Variants in TMEM53 observed in about 807,000 individuals in gnomAD.
TMEM53 encodes the protein novel DUF829 domain-containing protein.
A neutral mutation model predicts 21.4 loss-of-function variants in TMEM53; 14 were observed. The observed-to-expected ratio is 0.65, with a 90% CI of 0.43 to 1.02. TMEM53 has a LOEUF of 1.02. Among genes scored for constraint, TMEM53 ranks in the 50% least tolerant of loss-of-function variants. TMEM53 has a pLI of 0.00. For synonymous variants in TMEM53, 148 were observed against 157.4 expected (o/e 0.94, Z 0.45); for missense variants, 323 against 383.6 (o/e 0.84, Z 1.32).
chr1:44,660,126 T>C, intron 2 of TMEM53, 48 bp downstream of exon 2: 1 of 1,583,236 alleles, frequency 6.3e-7, no homozygotes, highest in Non-Finnish European at 8.6e-7. Flanking sequence ...GCCTCAAAGG[T>C]GGTCAGCCCT....
intron 1 of TMEM53, among the ~76,000 whole-genome samples, chr1:44,660,905 G>A (rs1472535359): frequency 4.6e-5 from 7 of 151,288 alleles, no homozygotes; most frequent in Non-Finnish European, 8.8e-5. Context: ...CCTGGGAGGC[G>A]GAGCTTGCCG....
rs1218237636 is a variant in TMEM53, at chr1:44,655,295, C to T, written c.184-86G>A. 1.5e-6 allele frequency: 2 copies of T among 1,367,864 alleles called. No individual in the cohort carries two copies. The highest frequency in any genetic ancestry group is 2.0e-6 in the Non-Finnish European group (2 of 1,012,834). The allele number at this position is 1,367,864 out of a possible 1,614,324, so 84.7% of individuals were successfully genotyped here. ...GGTCAGAGGGGCCCAGCAACCCCAG[C>T]CTGTAGGACATAGGCCATGGGGCCC... On this transcript the variant is annotated intron_variant, in intron 2 of 2. Transcript: ENST00000372237. The surrounding 1 kb of genome is among the most constrained non-coding windows in gnomAD (Gnocchi z 4.4).
rs201491435 is a variant in TMEM53 at position 44,654,849 on chromosome 1, C to T, written c.544G>A (p.Val182Ile). The T allele has an allele frequency of 2.2e-4, 358 of 1,612,894 alleles. 1 individual carries two copies. Among genetic ancestry groups the T allele is most frequent in the Admixed American group, 1.0e-3 (61 of 60,020 alleles). ...LLLVAFALVV[V>I]LFHVLLAPIT... is the part of the protein sequence containing the mutation. ...GGAGCAAGCAGGACGTGGAACAGGA[C>T]GACCACCAGGGCAAAGGCCACCAGC... The change falls in exon 3 of 3, where the codon GTC becomes ATC. Residue 182 changes from valine (V) to isoleucine (I), a missense_variant. Transcript: ENST00000372237. The surrounding 1 kb of genome is among the most constrained non-coding windows in gnomAD (Gnocchi z 7.0).
intron 1 of TMEM53, among the ~76,000 whole-genome samples, chr1:44,664,151 TA>T (rs555498355): frequency 0.32 from 30,272 of 93,216 alleles, 4,104 homozygotes; most frequent in Middle Eastern, 0.46. Context: ...GACCTTATTA[TA>T]AAAAAAAAAA....
chr1:44,674,463 C>T lies in TMEM53; in HGVS notation c.-72G>A. ...CTTGCGCACCCGTGCCTCACCCGGG[C>T]GCCTCCTGGGCGCCGCCCAATCACC... On this transcript the variant is annotated 5_prime_UTR_variant, in exon 1 of 3. Coordinates refer to ENST00000372237, the MANE Select transcript of TMEM53 (RefSeq NM_024587.4). The T allele has an allele frequency of 1.3e-6, 2 of 1,505,456 alleles. No homozygotes were observed. The highest frequency in any genetic ancestry group is 1.8e-6 in the Non-Finnish European group (2 of 1,114,894). 93.3% of individuals were successfully genotyped at this position (1,505,456 alleles called of 1,614,324 possible).
At chr1:44,673,908 C>T (rs1046799161) in intron 1 of TMEM53, 5 of 985,296 alleles carry the variant, frequency 5.1e-6, no homozygotes, top group Admixed American at 6.2e-5. Context: ...CTGCGAGGAT[C>T]GGTGACCCCG....
At chr1:44,673,031 C>G (rs546748130) in intron 1 of TMEM53, among the ~76,000 whole-genome samples, 1 of 152,308 alleles carries the variant, frequency 6.6e-6, no homozygotes, top group East Asian at 1.9e-4. Context: ...GCCCTCCTGG[C>G]CGTGCAGAAG....
rs1008782382 is a variant in TMEM53, at chr1:44,655,200, C to T, written c.193G>A (p.Val65Ile). ...TGCCACGGGGCTGTGTATCGGATTA[C>T]GATGCAGCCCTGGGGAGAGAGGCCT... ...SAIYHKRGCI[V>I]IRYTAPWHMV... Residue 65 changes from valine to isoleucine, a missense_variant, in exon 3 of 3, where the codon GTA (valine) becomes ATA (isoleucine). Transcript: ENST00000372237. The surrounding 1 kb of genome is among the most constrained non-coding windows in gnomAD (Gnocchi z 4.4). The T allele has an allele frequency of 3.7e-5, 59 of 1,603,142 alleles. No homozygotes were observed. Among genetic ancestry groups the T allele is most frequent in the Admixed American group, 3.2e-4 (19 of 59,110 alleles).
Position 44,654,247 on chromosome 1 carries a change from T to G in TMEM53, c.*312A>C. The G allele has an allele frequency of 6.6e-6, 2 of 303,186 alleles. No homozygotes were observed. The highest frequency in any genetic ancestry group is 1.2e-5 in the Non-Finnish European group (2 of 163,436). 18.8% of individuals were successfully genotyped at this position (303,186 alleles called of 1,614,324 possible). A position where few individuals can be genotyped will look rare whatever the true frequency, so the allele number is the denominator to read the frequency against. ...GGCTCACCCTCAACACCCCCCTCCA[T>G]TTGTCAACCTCTACAGCCTGCATGC... On this transcript the variant is annotated 3_prime_UTR_variant, in exon 3 of 3. Coordinates refer to ENST00000372237, the MANE Select transcript of TMEM53 (RefSeq NM_024587.4). This position sits in a 1 kb window ranked among gnomAD's most constrained non-coding sequence, Gnocchi z 7.0.
intron 1 of TMEM53, among the ~76,000 whole-genome samples, chr1:44,664,412 A>G (rs867144566): frequency 1.3e-5 from 2 of 151,124 alleles, no homozygotes; most frequent in African/African-American, 4.9e-5. Context: ...AGATCGCGCC[A>G]TTGCACTCCA....
intron 1 of TMEM53, among the ~76,000 whole-genome samples, chr1:44,670,786 A>G (rs1008897583): frequency 6.6e-6 from 1 of 152,240 alleles, no homozygotes; most frequent in Non-Finnish European, 1.5e-5. Context: ...TGTTTGTCCC[A>G]TGACCAGGCC....
In TMEM53 at chr1:44,655,225, T is replaced by C. The variant is rs755612795; in HGVS notation, c.184-16A>G. 6.3e-7 allele frequency: 1 copy of C among 1,579,026 alleles called. No individual in the cohort carries two copies. The highest frequency in any genetic ancestry group is 2.2e-5 in the East Asian group (1 of 44,654). On this transcript the variant is annotated splice_polypyrimidine_tract_variant and intron_variant, in intron 2 of 2. Coordinates refer to ENST00000372237, the MANE Select transcript of TMEM53 (RefSeq NM_024587.4). This position sits in a 1 kb window ranked among gnomAD's most constrained non-coding sequence, Gnocchi z 4.4. ...CGATGCAGCCCTGGGGAGAGAGGCCTGGTCAGTCCTCACAGATGAGGTGGG... is the reference window on the plus strand; with the variant it reads ...CGATGCAGCCCTGGGGAGAGAGGCCCGGTCAGTCCTCACAGATGAGGTGGG...
Position 44,674,332 on chromosome 1 carries a change from C to G in TMEM53, c.60G>C (p.Gln20His). ...IEIPDQPCWSQKNSPSPGGKE... is the reference protein window; with the variant it reads ...IEIPDQPCWSHKNSPSPGGKE... ...CTGGACCCAACCCTCATTCCATACT[C>G]TGGCTCCAGCAGGGCTGATCCGGGA... is the stretch of plus-strand genomic sequence containing the variant. Residue 20 changes from glutamine to histidine, a missense_variant and splice_region_variant, in exon 1 of 3, where the codon CAG becomes CAC. Physicochemically the swap from Gln to His is conservative, Grantham distance 24. Around this residue, in one of 3 missense-constraint regions of TMEM53, gnomAD observed 49 missense variants for 32.9 expected, o/e 1.49. Coordinates refer to ENST00000372237, the MANE Select transcript of TMEM53 (RefSeq NM_024587.4). The G allele has an allele frequency of 6.2e-7, 1 of 1,612,068 alleles. No individual in the cohort carries two copies. The highest frequency in any genetic ancestry group is 8.5e-7 in the Non-Finnish European group (1 of 1,179,008).
chr1:44,656,906 G>A (rs1644854976), intron 2 of TMEM53, among the ~76,000 whole-genome samples: 1 of 152,118 alleles, frequency 6.6e-6, no homozygotes, highest in Non-Finnish European at 1.5e-5. Flanking sequence ...CAGACACCTG[G>A]GAGTCTGAGG....
At chr1:44,666,589 A>T (rs1644950492) in intron 1 of TMEM53, among the ~76,000 whole-genome samples, 1 of 152,254 alleles carries the variant, frequency 6.6e-6, no homozygotes, top group African/African-American at 2.4e-5. Context: ...CCTTGAAAAC[A>T]TCATTCTAAG....
In TMEM53 at chr1:44,655,217, G is replaced by A; in HGVS notation, c.184-8C>T. On this transcript the variant is annotated splice_region_variant and splice_polypyrimidine_tract_variant and intron_variant, in intron 2 of 2. Transcript: ENST00000372237. The surrounding 1 kb of genome is among the most constrained non-coding windows in gnomAD (Gnocchi z 4.4). ...TCGGATTACGATGCAGCCCTGGGGAGAGAGGCCTGGTCAGTCCTCACAGAT... is the reference window on the plus strand; with the variant it reads ...TCGGATTACGATGCAGCCCTGGGGAAAGAGGCCTGGTCAGTCCTCACAGAT... 2 of 1,589,510 alleles carry A rather than the reference G, an allele frequency of 1.3e-6. No homozygotes were observed. The highest frequency in any genetic ancestry group is 1.7e-6 in the Non-Finnish European group (2 of 1,167,158).
Position 44,654,314 on chromosome 1 carries a change from A to C in TMEM53, c.*245T>G. 2 of 518,116 alleles carry C rather than the reference A, an allele frequency of 3.9e-6. No individual in the cohort carries two copies. The highest frequency in any genetic ancestry group is 6.9e-6 in the Non-Finnish European group (2 of 290,288). The allele number at this position is 518,116 out of a possible 1,614,324, so 32.1% of individuals were successfully genotyped here. A position where few individuals can be genotyped will look rare whatever the true frequency, so the allele number is the denominator to read the frequency against. On this transcript the variant is annotated 3_prime_UTR_variant, in exon 3 of 3. Transcript: ENST00000372237. This position sits in a 1 kb window ranked among gnomAD's most constrained non-coding sequence, Gnocchi z 7.0. ...CTGACTGTTGCACTTGTCCAAACAC[A>C]ACTGACTGCAAGGCTCCCACAGACA...
At position 44,654,790 on chromosome 1, in the gene TMEM53, G is replaced by A. The variant is rs757332711; in HGVS notation, c.603C>T (p.Asp201=). 4.3e-6 allele frequency: 7 copies of A among 1,613,940 alleles called. No homozygotes were observed. The highest frequency in any genetic ancestry group is 5.9e-6 in the Non-Finnish European group (7 of 1,180,036). Reference sequence around the variant, plus strand: ...AGCGAGAGCCCGCGTCCTGTAGCCTGTCATAGAAGTGGGTGTGGAAGAGGG... The same window carrying A: ...AGCGAGAGCCCGCGTCCTGTAGCCTATCATAGAAGTGGGTGTGGAAGAGGG... The part of the protein sequence containing the change: ...ITALFHTHFY[D]RLQDAGSRWP... The change falls in exon 3 of 3, where the codon GAC becomes GAT. Residue 201 remains aspartate, a synonymous_variant. Transcript: ENST00000372237. The surrounding 1 kb of genome is among the most constrained non-coding windows in gnomAD (Gnocchi z 7.0).
intron 2 of TMEM53, among the ~76,000 whole-genome samples, chr1:44,656,720 G>GA (rs148588646): frequency 2.3e-4 from 34 of 149,456 alleles, no homozygotes; most frequent in African/African-American, 7.2e-4. Context: ...CTCTAAAAAA[G>GA]AAAAAAAAAA....
Sources: allele counts gnomAD v4.1 joint callset (sites outside exome capture counted in the v4.1 genomes callset), GRCh38; gene constraint gnomAD v4.1.1; regional missense constraint gnomAD v4.1.1; non-coding constraint Gnocchi (gnomAD v3.1); transcripts MANE v1.5; gene names NCBI Gene and HGNC (gene_info 2026-07-23, HGNC 2026-07-21).